INSYN2B: variants seen among roughly 807,000 people sequenced by gnomAD.
INSYN2B encodes the protein inhibitory synaptic factor family member 2B.
INSYN2B carries 16 observed loss-of-function variants against 41.2 expected under a neutral mutation model. The observed-to-expected ratio is 0.39, with a 90% CI of 0.26 to 0.59. The LOEUF is 0.59. Among genes scored for constraint, INSYN2B ranks in the 20% least tolerant of loss-of-function variants. The pLI is 0.57. For synonymous variants in INSYN2B, 245 were observed against 244.4 expected (o/e 1.00, Z -0.02); for missense variants, 608 against 646.4 (o/e 0.94, Z 0.64).
intron 1 of INSYN2B, among the ~76,000 whole-genome samples, chr5:169,914,309 A>G (rs1774761466): frequency 1.3e-5 from 2 of 152,214 alleles, no homozygotes; most frequent in Admixed American, 1.3e-4. Context: ...CATAACCCAT[A>G]TAGATATTCT....
chr5:169,969,340 G>A (rs1157819182), intron 1 of INSYN2B, among the ~76,000 whole-genome samples: 1 of 152,100 alleles, frequency 6.6e-6, no homozygotes, highest in Non-Finnish European at 1.5e-5. Flanking sequence ...AGCTACTCGG[G>A]AGGCTGAGGC....
intron 1 of INSYN2B, among the ~76,000 whole-genome samples, chr5:169,922,771 A>G (rs1482769388): frequency 1.3e-5 from 2 of 152,208 alleles, no homozygotes; most frequent in Non-Finnish European, 2.9e-5. Context: ...AGAGCTCCTC[A>G]GGCAAAGCTG....
intron 1 of INSYN2B, among the ~76,000 whole-genome samples, chr5:169,975,486 T>C (rs1283190814): frequency 1.3e-5 from 2 of 152,138 alleles, no homozygotes; most frequent in African/African-American, 2.4e-5. Flanking sequence ...TACGGAGCCT[T>C]CCCTCAGTCA....
Position 169,980,460 on chromosome 5 carries a change from A to T in INSYN2B, c.-1102T>A, listed in dbSNP as rs1449659627. On this transcript the variant is annotated 5_prime_UTR_variant, in exon 1 of 4. Coordinates refer to ENST00000377365, the MANE Select transcript of INSYN2B (RefSeq NM_001129891.3). Reference sequence around the variant, plus strand: ...CGTAGGAATAAATAAAAAGCCGAACAAACTGCTCGGCAGCTACCATGTGAA... The same window carrying T: ...CGTAGGAATAAATAAAAAGCCGAACTAACTGCTCGGCAGCTACCATGTGAA... 6.6e-6 allele frequency: 1 copy of T among 152,184 alleles called. No homozygotes were observed. The highest frequency in any genetic ancestry group is 2.4e-5 in the African/African-American group (1 of 41,436). 9.4% of individuals were successfully genotyped at this position (152,184 alleles called of 1,614,324 possible).
chr5:169,890,546 C>T (rs1773222460), intron 1 of INSYN2B, among the ~76,000 whole-genome samples: 2 of 152,158 alleles, frequency 1.3e-5, no homozygotes, highest in South Asian at 4.1e-4. Context: ...ATACCCCTTT[C>T]CGGCAGCTTT....
chr5:169,978,302 G>C (rs1222550513), intron 1 of INSYN2B, among the ~76,000 whole-genome samples: 2 of 134,036 alleles, frequency 1.5e-5, no homozygotes, highest in Non-Finnish European at 3.1e-5. Flanking sequence ...TTGTTTGTTT[G>C]TTTCCCAAGG....
intron 2 of INSYN2B, 119 bp downstream of exon 2, chr5:169,882,434 A>G (rs1218633048): frequency 1.2e-6 from 1 of 806,082 alleles, no homozygotes; most frequent in Non-Finnish European, 1.9e-6. Context: ...TTGGAGAAAC[A>G]ACAGTGCTTC....
intron 3 of INSYN2B, among the ~76,000 whole-genome samples, chr5:169,876,600 C>T (rs17670189): frequency 0.1 from 15,236 of 152,228 alleles, 942 homozygotes; most frequent in Admixed American, 0.17. Context: ...CTCTCTGAGT[C>T]ATCAAAGAAA....
intron 1 of INSYN2B, among the ~76,000 whole-genome samples, chr5:169,913,516 G>A (rs752960494): frequency 2.6e-5 from 4 of 152,134 alleles, no homozygotes; most frequent in Non-Finnish European, 5.9e-5. Context: ...TTGGGAGATG[G>A]TGTTTAAATG....
At chr5:169,948,270 T>G (rs1297598597) in intron 1 of INSYN2B, among the ~76,000 whole-genome samples, 1 of 150,898 alleles carries the variant, frequency 6.6e-6, no homozygotes, top group Non-Finnish European at 1.5e-5. Context: ...AGCTTATATT[T>G]TAGTAGAGGG....
chr5:169,867,777 A>G (rs542702029), intron 3 of INSYN2B, among the ~76,000 whole-genome samples: 33 of 152,026 alleles, frequency 2.2e-4, no homozygotes, highest in Non-Finnish European at 4.0e-4. Flanking sequence ...CTGCACCCCT[A>G]TTTGTCTGGG....
intron 2 of INSYN2B, among the ~76,000 whole-genome samples, chr5:169,882,014 T>C (rs1214859725): frequency 6.6e-6 from 1 of 152,202 alleles, no homozygotes; most frequent in African/African-American, 2.4e-5. Flanking sequence ...CGAAAATGAA[T>C]TGTGCAAAAT....
chr5:169,939,966 A>T (rs959213499), intron 1 of INSYN2B, among the ~76,000 whole-genome samples: 1 of 152,216 alleles, frequency 6.6e-6, no homozygotes, highest in African/African-American at 2.4e-5. Context: ...GCTTAAGGAT[A>T]GTTGGCTATG....
intron 1 of INSYN2B, among the ~76,000 whole-genome samples, chr5:169,935,998 A>C (rs1430524277): frequency 6.6e-6 from 1 of 152,058 alleles, no homozygotes; most frequent in Non-Finnish European, 1.5e-5. Flanking sequence ...GTTAACATAA[A>C]TTTTTTCTTG....
intron 2 of INSYN2B, among the ~76,000 whole-genome samples, chr5:169,882,109 A>G (rs1448732171): frequency 6.6e-6 from 1 of 152,216 alleles, no homozygotes; most frequent in African/African-American, 2.4e-5. Context: ...GGGAAGGTCA[A>G]TAGTAAGCTG....
chr5:169,888,023 G>A (rs1396080843), intron 1 of INSYN2B, among the ~76,000 whole-genome samples: 1 of 152,134 alleles, frequency 6.6e-6, no homozygotes, highest in Admixed American at 6.5e-5. Context: ...TTTACACAAC[G>A]TTTGATACAA....
At chr5:169,871,796 G>T (rs1771994747) in intron 3 of INSYN2B, among the ~76,000 whole-genome samples, 1 of 152,210 alleles carries the variant, frequency 6.6e-6, no homozygotes, top group South Asian at 2.1e-4. Context: ...GGGGTGCATG[G>T]GGGACGCTTT....
chr5:169,969,314 G>A (rs1777413952), intron 1 of INSYN2B, among the ~76,000 whole-genome samples: 1 of 151,792 alleles, frequency 6.6e-6, no homozygotes, highest in African/African-American at 2.4e-5. Flanking sequence ...GTGTGGTGTG[G>A]GGCACTTGTA....
At chr5:169,889,143 A>G (rs1378773533) in intron 1 of INSYN2B, among the ~76,000 whole-genome samples, 3 of 152,178 alleles carry the variant, frequency 2.0e-5, no homozygotes, top group Non-Finnish European at 4.4e-5. Flanking sequence ...ATAATCCTGT[A>G]TTATCTAATT....
Sources: allele counts gnomAD v4.1 joint callset (sites outside exome capture counted in the v4.1 genomes callset), GRCh38; gene constraint gnomAD v4.1.1; transcripts MANE v1.5; gene names NCBI Gene and HGNC (gene_info 2026-07-23, HGNC 2026-07-21).